The following BCL2L11 variants were observed in gnomAD, a reference collection of about 807,000 sequenced individuals.
BCL2L11 encodes BCL2 like 11.
BCL2L11 carries 15 observed loss-of-function variants against 20.6 expected under a neutral mutation model. That is an observed-to-expected ratio of 0.73 (90% CI 0.49 to 1.12). The LOEUF (loss-of-function observed/expected upper bound fraction) is 1.12, where lower values mean the gene tolerates loss of function less well. Among genes scored for constraint, BCL2L11 ranks in the 50% most tolerant of loss-of-function variants. The pLI is 0.00. For missense variants in BCL2L11, 292 were observed against 260.9 expected (o/e 1.12, Z -0.82); for synonymous variants, 108 against 92.8 (o/e 1.16, Z -0.94).
At chr2:111,133,578 G>A (rs565920708) in intron 2 of BCL2L11, among the ~76,000 whole-genome samples, 1 of 152,248 alleles carries the variant, frequency 6.6e-6, no homozygotes, top group Non-Finnish European at 1.5e-5. Flanking sequence ...TGGTCAGAGA[G>A]CATATTTTAT....
chr2:111,146,676 G>A (rs1217906918), intron 2 of BCL2L11, among the ~76,000 whole-genome samples: 1 of 152,182 alleles, frequency 6.6e-6, no homozygotes, highest in African/African-American at 2.4e-5. Context: ...TTCATGTGGT[G>A]TGAGACTCAC....
chr2:111,158,297 AG>A (rs2078132022), intron 3 of BCL2L11, among the ~76,000 whole-genome samples: 3 of 150,532 alleles, frequency 2.0e-5, no homozygotes, highest in African/African-American at 7.4e-5. Context: ...TAACAGAATC[AG>A]GGGGGTGACT....
intron 1 of BCL2L11, chr2:111,122,956 G>C (rs2071480695): frequency 2.0e-6 from 2 of 985,480 alleles, no homozygotes; most frequent in Middle Eastern, 5.2e-4. Context: ...TCTGAGGGGA[G>C]GGTCTGTGGG....
At chr2:111,146,529 G>C (rs2076534922) in intron 2 of BCL2L11, among the ~76,000 whole-genome samples, 1 of 152,164 alleles carries the variant, frequency 6.6e-6, no homozygotes, top group South Asian at 2.1e-4. Flanking sequence ...CACGCTTTTG[G>C]AAGACCATAC....
At position 111,124,010 on chromosome 2, in the gene BCL2L11, C is replaced by T. The variant is rs755554763; in HGVS notation, c.265C>T (p.Leu89=). The T allele has an allele frequency of 8.7e-6, 14 of 1,614,120 alleles. No homozygotes were observed. Among genetic ancestry groups the T allele is most frequent in the Non-Finnish European group, 1.2e-5 (14 of 1,180,044 alleles). ...LFIFMRRSSL[L]SRSSSGYFSF... Reference sequence around the variant, plus strand: ...CATCTTTATGAGAAGATCCTCCCTGCTGTCTCGATCCTCCAGTGGGTATTT... The same window carrying T: ...CATCTTTATGAGAAGATCCTCCCTGTTGTCTCGATCCTCCAGTGGGTATTT... The change falls in exon 2 of 4, where the codon CTG becomes TTG. Residue 89 remains leucine (L), a synonymous_variant. Coordinates refer to ENST00000393256, the MANE Select transcript of BCL2L11 (RefSeq NM_138621.5).
rs531825289 is a variant in BCL2L11 at position 111,167,999 on chromosome 2, C to G, written c.*3768C>G. ...TTAGCCTGGTGCCTGTGTGTGTCCA[C>G]TCACGTACACGTGGGGTGGGGGAAA... is the stretch of plus-strand genomic sequence containing the variant. On this transcript the variant is annotated 3_prime_UTR_variant, in exon 4 of 4. Transcript: ENST00000393256. 1.3e-5 allele frequency: 2 copies of G among 152,844 alleles called. No individual in the cohort carries two copies. Among genetic ancestry groups the G allele is most frequent in the South Asian group, 4.1e-4 (2 of 4,828 alleles). The allele number at this position is 152,844 out of a possible 1,614,324, so 9.5% of individuals were successfully genotyped here. A position where few individuals can be genotyped will look rare whatever the true frequency, so the allele number is the denominator to read the frequency against.
chr2:111,144,743 A>G (rs973747343), intron 2 of BCL2L11, among the ~76,000 whole-genome samples: 2 of 152,222 alleles, frequency 1.3e-5, no homozygotes, highest in Non-Finnish European at 2.9e-5. Flanking sequence ...TTTTCGGAGT[A>G]TCTCTTGGAA....
At chr2:111,145,960 A>C in intron 2 of BCL2L11, 1 of 980,044 alleles carries the variant, frequency 1.0e-6, no homozygotes, top group Non-Finnish European at 1.2e-6. Flanking sequence ...AAAGAGAAAG[A>C]AAACATGGAT....
intron 1 of BCL2L11, chr2:111,122,649 C>T (rs1190102864): frequency 6.1e-6 from 6 of 983,736 alleles, no homozygotes; most frequent in Non-Finnish European, 4.8e-6. Flanking sequence ...CGGGAGGAGG[C>T]GGAGGATGTT....
At chr2:111,134,087 G>T (rs2074430791) in intron 2 of BCL2L11, among the ~76,000 whole-genome samples, 1 of 150,616 alleles carries the variant, frequency 6.6e-6, no homozygotes, top group African/African-American at 2.4e-5. Context: ...TTTTATATAT[G>T]GCATGTCTTT....
chr2:111,159,862 CAT>C (rs2078345091), intron 3 of BCL2L11, among the ~76,000 whole-genome samples: 2 of 152,202 alleles, frequency 1.3e-5, no homozygotes, highest in African/African-American at 4.8e-5. Context: ...GTCATGGGGA[CAT>C]GTGAAGAACT....
At chr2:111,144,720 A>T (rs56866966) in intron 2 of BCL2L11, among the ~76,000 whole-genome samples, 3,964 of 152,210 alleles carry the variant, frequency 0.026, 167 homozygotes, top group African/African-American at 0.089. Flanking sequence ...AGAGGCAGTG[A>T]CTCCCCTAAA....
intron 3 of BCL2L11, among the ~76,000 whole-genome samples, chr2:111,152,562 A>G (rs1207019934): frequency 6.6e-6 from 1 of 152,218 alleles, no homozygotes; most frequent in Non-Finnish European, 1.5e-5. Flanking sequence ...GGTCAGTGAC[A>G]AGACATAGGC....
chr2:111,133,298 T>C (rs1202499593), intron 2 of BCL2L11, among the ~76,000 whole-genome samples: 1 of 152,204 alleles, frequency 6.6e-6, no homozygotes, highest in African/African-American at 2.4e-5. Flanking sequence ...CAAGCAGCCA[T>C]GTCTCAGGAG....
At chr2:111,153,555 G>C (rs560717114) in intron 3 of BCL2L11, among the ~76,000 whole-genome samples, 1 of 152,146 alleles carries the variant, frequency 6.6e-6, no homozygotes, top group African/African-American at 2.4e-5. Context: ...ATGGGAGGCC[G>C]TTTTGGGAAA....
intron 3 of BCL2L11, 62 bp from the exon 4 acceptor site, chr2:111,164,071 T>TTGC: frequency 3.0e-6 from 2 of 664,734 alleles, no homozygotes; most frequent in Non-Finnish European, 5.7e-6. Flanking sequence ...AAATATGGGC[T>TTGC]CCCACCCCTC....
intron 1 of BCL2L11, among the ~76,000 whole-genome samples, chr2:111,122,489 C>A (rs1291898956): frequency 1.3e-5 from 2 of 152,154 alleles, no homozygotes; most frequent in Admixed American, 1.3e-4. Flanking sequence ...GGCGGCCTGA[C>A]CCGTAGGCGC....
At chr2:111,146,361 C>T (rs2076511981) in intron 2 of BCL2L11, 2 of 542,760 alleles carry the variant, frequency 3.7e-6, no homozygotes, top group South Asian at 7.6e-5. Flanking sequence ...TCTTACTTTT[C>T]TTATAAACTA....
At chr2:111,129,846 T>C (rs1247237898) in intron 2 of BCL2L11, among the ~76,000 whole-genome samples, 1 of 152,250 alleles carries the variant, frequency 6.6e-6, no homozygotes, top group Admixed American at 6.5e-5. Context: ...TCAAGGATGC[T>C]GTATAAGTGT....
Sources: gnomAD v4.1 joint callset for allele counts (sites outside exome capture counted in the v4.1 genomes callset) on GRCh38, gnomAD v4.1.1 for gene constraint, MANE v1.5 for transcripts, NCBI Gene and HGNC (gene_info 2026-07-23, HGNC 2026-07-21) for gene names.